The following AGR3 variants were observed in gnomAD, a reference collection of about 807,000 sequenced individuals.
AGR3 encodes the protein anterior gradient protein 3.
Under a neutral mutation model 24.5 loss-of-function variants are expected in AGR3, and 37 were observed. That is an observed-to-expected ratio of 1.51 (90% confidence interval 1.16 to 1.99). The LOEUF (loss-of-function observed/expected upper bound fraction) is 1.99. AGR3 is among the 30% of genes most tolerant of loss of function. AGR3 has a pLI of 0.00. For missense variants in AGR3, 228 were observed against 191.1 expected (o/e 1.19, Z -1.14); for synonymous variants, 75 against 61.6 (o/e 1.22, Z -1.02).
chr7:16,861,594 G>A (rs1303176912), intron 5 of AGR3, 147 bp from the exon 6 acceptor site: 5 of 668,486 alleles, frequency 7.5e-6, no homozygotes, highest in Middle Eastern at 3.5e-4. Context: ...TTAGCTCTTT[G>A]TGCTTTAAAA....
At chr7:16,867,300 A>C (rs994766160) in intron 3 of AGR3, among the ~76,000 whole-genome samples, 1 of 152,156 alleles carries the variant, frequency 6.6e-6, no homozygotes, top group Non-Finnish European at 1.5e-5. Flanking sequence ...TCCTGATTTA[A>C]AATACCACTT....
At chr7:16,869,052 T>C (rs1039872647) in intron 3 of AGR3, among the ~76,000 whole-genome samples, 3 of 152,214 alleles carry the variant, frequency 2.0e-5, no homozygotes, top group Non-Finnish European at 4.4e-5. Flanking sequence ...ATATGTTTGT[T>C]AGGTCCATTT....
chr7:16,873,656 A>G lies in AGR3; in HGVS notation c.173+124T>C, dbSNP rs148220814. The G allele has an allele frequency of 1.1e-4, 83 of 724,376 alleles. No homozygotes were observed. The African/African-American group carries it at 1.4e-3, about 12-fold the overall frequency. The allele number at this position is 724,376 out of a possible 1,614,324, so 44.9% of individuals were successfully genotyped here. A position where few individuals can be genotyped will look rare whatever the true frequency, so the allele number is the denominator to read the frequency against. ...TTCAGGTGATGCATATGCTAATTAC[A>G]CTGATTTGATCACTACACATTGTGT... On this transcript the variant is annotated intron_variant, in intron 3 of 7. Coordinates refer to ENST00000310398, the MANE Select transcript of AGR3 (RefSeq NM_176813.5).
At chr7:16,859,065 G>A (rs1010498131), downstream of AGR3, among the ~76,000 whole-genome samples, 2 of 152,032 alleles carry the variant, frequency 1.3e-5, no homozygotes, top group Non-Finnish European at 2.9e-5. Flanking sequence ...TGGGTTAGCA[G>A]GTATGGTACA....
chr7:16,867,495 C>T (rs373715793), intron 3 of AGR3, among the ~76,000 whole-genome samples: 3 of 152,288 alleles, frequency 2.0e-5, no homozygotes, highest in East Asian at 3.9e-4. Context: ...CATCATCTCA[C>T]ATACTTATTT....
downstream of AGR3, among the ~76,000 whole-genome samples, chr7:16,857,035 G>A (rs564398491): frequency 2.5e-4 from 37 of 149,200 alleles, no homozygotes; most frequent in Non-Finnish European, 3.8e-4. Flanking sequence ...CCAGAGTACA[G>A]TGGCTATTCA....
downstream of AGR3, among the ~76,000 whole-genome samples, chr7:16,857,725 T>G (rs1012814629): frequency 2.6e-5 from 4 of 152,208 alleles, no homozygotes; most frequent in Non-Finnish European, 5.9e-5. Context: ...TCTCTAGTAC[T>G]GATAATCATG....
chr7:16,859,679 A>C (rs1781604052), intron 7 of AGR3, 48 bp from the exon 8 acceptor site: 6 of 1,235,760 alleles, frequency 4.9e-6, no homozygotes, highest in Non-Finnish European at 6.7e-6. Flanking sequence ...ATGAAAGTAC[A>C]AATGCTATGA....
At chr7:16,877,817 C>G (rs62445069) in intron 2 of AGR3, among the ~76,000 whole-genome samples, 2 of 146,084 alleles carry the variant, frequency 1.4e-5, no homozygotes, top group African/African-American at 5.1e-5. Context: ...GAGCCAAGAT[C>G]GTGCCACTAC....
intron 3 of AGR3, among the ~76,000 whole-genome samples, chr7:16,867,744 T>C (rs1440930420): frequency 6.6e-6 from 1 of 152,180 alleles, no homozygotes; most frequent in Non-Finnish European, 1.5e-5. Flanking sequence ...ACGTGACATT[T>C]GTCTTTCTGT....
intron 1 of AGR3, among the ~76,000 whole-genome samples, chr7:16,880,409 C>T (rs1321607763): frequency 6.6e-6 from 1 of 151,960 alleles, no homozygotes. Flanking sequence ...GATCCAACTG[C>T]TTCGGCCTCC....
In AGR3 at chr7:16,861,357, T is replaced by A. The variant is rs554585703; in HGVS notation, c.367+27A>T. On this transcript the variant is annotated intron_variant, in intron 6 of 7. Transcript: ENST00000310398. ...TGCTGATTTCTACTAATTTTGTAGA[T>A]CTGATGAAATGAGATCACATACATA... 39 of 1,513,252 alleles carry A rather than the reference T, an allele frequency of 2.6e-5. 1 individual carries two copies. In the Admixed American group the frequency reaches 3.3e-4, roughly 13 times the overall value. 93.7% of individuals were successfully genotyped at this position (1,513,252 alleles called of 1,614,324 possible). A position where few individuals can be genotyped will look rare whatever the true frequency, so the allele number is the denominator to read the frequency against.
intron 7 of AGR3, among the ~76,000 whole-genome samples, chr7:16,860,290 T>C (rs1324428114): frequency 6.6e-6 from 1 of 152,160 alleles, no homozygotes; most frequent in East Asian, 1.9e-4. Flanking sequence ...AATTTAGTAA[T>C]CCTAAAATCC....
chr7:16,880,971 T>C (rs1348075446), intron 1 of AGR3, among the ~76,000 whole-genome samples: 2 of 152,156 alleles, frequency 1.3e-5, no homozygotes, highest in African/African-American at 4.8e-5. Context: ...CTGGAAATTG[T>C]GTGCAAAATT....
rs187419975 is a variant in AGR3, at chr7:16,865,852, C to T, written c.174-3190G>A. On this transcript the variant is annotated intron_variant, in intron 3 of 7. Transcript: ENST00000310398. ...ACTCTTGTACTTGAATACCATTCTCCTTTGATAGCGTTTTTTTGGTCGTTG... is the reference window on the plus strand; with the variant it reads ...ACTCTTGTACTTGAATACCATTCTCTTTTGATAGCGTTTTTTTGGTCGTTG... 216 of 736,478 alleles carry T rather than the reference C, an allele frequency of 2.9e-4. No individual in the cohort carries two copies. In the African/African-American group the frequency reaches 3.3e-3, roughly 11 times the overall value. 45.6% of individuals were successfully genotyped at this position (736,478 alleles called of 1,614,324 possible). A position where few individuals can be genotyped will look rare whatever the true frequency, so the allele number is the denominator to read the frequency against.
At chr7:16,869,098 T>C (rs1781816033) in intron 3 of AGR3, among the ~76,000 whole-genome samples, 2 of 152,204 alleles carry the variant, frequency 1.3e-5, no homozygotes, top group Admixed American at 1.3e-4. Flanking sequence ...TGTTTCCTTA[T>C]TGACTTTTTG....
chr7:16,855,656 A>G, downstream of AGR3, among the ~76,000 whole-genome samples: 1 of 152,342 alleles, frequency 6.6e-6, no homozygotes, highest in African/African-American at 2.4e-5. Flanking sequence ...ATGTTGCGCA[A>G]AAAACAAATT....
chr7:16,864,693 A>G (rs564609937), intron 3 of AGR3: 3 of 1,572,832 alleles, frequency 1.9e-6, no homozygotes, highest in Non-Finnish European at 2.6e-6. Context: ...CTGCCAGGCA[A>G]TTTTCCCCAT....
chr7:16,873,981 C>T lies in AGR3; in HGVS notation c.110-138G>A, dbSNP rs962742536. The T allele has an allele frequency of 1.7e-5, 12 of 704,224 alleles. No homozygotes were observed. In the African/African-American group the frequency reaches 1.8e-4, roughly 11 times the overall value. The allele number at this position is 704,224 out of a possible 1,614,324, so 43.6% of individuals were successfully genotyped here. On this transcript the variant is annotated intron_variant, in intron 2 of 7. Coordinates refer to ENST00000310398, the MANE Select transcript of AGR3 (RefSeq NM_176813.5). ...GTTGGCTGACATATGGTGCAGAGGA[C>T]ACACAATTTTCACAAGATATGGAGG...
Sources: gnomAD v4.1 joint callset for allele counts (sites outside exome capture counted in the v4.1 genomes callset) on GRCh38, gnomAD v4.1.1 for gene constraint, MANE v1.5 for transcripts, NCBI Gene and HGNC (gene_info 2026-07-23, HGNC 2026-07-21) for gene names.